The following HTT variants were observed in gnomAD, a reference collection of about 807,000 sequenced individuals.
HTT encodes huntingtin.
In HTT, 104 loss-of-function variants were observed where a neutral mutation model predicts 362.3. That is an observed-to-expected ratio of 0.29 (90% confidence interval 0.24 to 0.34). The LOEUF (loss-of-function observed/expected upper bound fraction) is 0.34. HTT is among the 10% of genes least tolerant of loss of function. The pLI is 1.00. For synonymous variants in HTT, 1,577 were observed against 1,548.7 expected (o/e 1.02, Z -0.43); for missense variants, 3,301 against 3,928.6 (o/e 0.84, Z 4.27).
chr4:3,131,557 T>C (rs1715817571), intron 15 of HTT, 81 bp from the exon 16 acceptor site: 2 of 1,565,086 alleles, frequency 1.3e-6, no homozygotes, highest in East Asian at 2.2e-5. Flanking sequence ...TGGGAGCAGG[T>C]AGGTTATTGG....
chr4:3,212,793 A>G, intron 49 of HTT, 84 bp downstream of exon 49: 1 of 1,432,422 alleles, frequency 7.0e-7, no homozygotes, highest in Non-Finnish European at 9.7e-7. Context: ...GTTTTATTTG[A>G]AAAGCAAGAT....
chr4:3,178,551 T>G, intron 35 of HTT, 105 bp downstream of exon 35: 1 of 955,106 alleles, frequency 1.0e-6, no homozygotes, highest in Non-Finnish European at 1.6e-6. Context: ...GCCATGTGCT[T>G]CTCAGGCTCT....
Position 3,092,580 on chromosome 4 carries a change from C to T in HTT, c.347+5558C>T, listed in dbSNP as rs1196974137. ...TAAATGTTTTATAGATGAGATCTTGCTGTATTGCCCAGGCTGGTCTAGAAT... is the reference window on the plus strand; with the variant it reads ...TAAATGTTTTATAGATGAGATCTTGTTGTATTGCCCAGGCTGGTCTAGAAT... On this transcript the variant is annotated intron_variant, in intron 2 of 66. Coordinates refer to ENST00000355072, the MANE Select transcript of HTT (RefSeq NM_001388492.1). Among the ~76,000 whole-genome samples, 4 of 152,240 alleles carry T rather than the reference C, an allele frequency of 2.6e-5. No homozygotes were observed. In the East Asian group the frequency reaches 7.7e-4, roughly 29 times the overall value.
Position 3,206,710 on chromosome 4 carries a change from A to T in HTT, c.5898+35A>T. On this transcript the variant is annotated intron_variant, in intron 43 of 66. Coordinates refer to ENST00000355072, the MANE Select transcript of HTT (RefSeq NM_001388492.1). This position sits in a 1 kb window ranked among gnomAD's most constrained non-coding sequence, Gnocchi z 4.6. ...CATCCTGCCGACTATTGCCAGTTGC[A>T]GTTTTCCCTGCCTTAAAAATGGAGT... The T allele has an allele frequency of 6.3e-7, 1 of 1,596,770 alleles. No individual in the cohort carries two copies. Among genetic ancestry groups the T allele is most frequent in the Non-Finnish European group, 8.6e-7 (1 of 1,167,460 alleles).
chr4:3,167,175 G>A (rs1240922991), intron 29 of HTT, among the ~76,000 whole-genome samples: 2 of 152,184 alleles, frequency 1.3e-5, no homozygotes, highest in Admixed American at 1.3e-4. Flanking sequence ...GGTTTCAAGC[G>A]ATTCTCCTAC....
intron 1 of HTT, among the ~76,000 whole-genome samples, chr4:3,084,838 C>T (rs1713116559): frequency 6.6e-6 from 1 of 151,606 alleles, no homozygotes; most frequent in Non-Finnish European, 1.5e-5. Context: ...ACGGTGAAAC[C>T]CCGTCTCTAC....
chr4:3,095,799 T>C (rs997636664), intron 2 of HTT, among the ~76,000 whole-genome samples: 1 of 151,876 alleles, frequency 6.6e-6, no homozygotes, highest in African/African-American at 2.4e-5. Context: ...AAAAGGAGAT[T>C]AGAATAATAA....
At chr4:3,223,136 A>G (rs1720754154) in intron 54 of HTT, among the ~76,000 whole-genome samples, 1 of 152,268 alleles carries the variant, frequency 6.6e-6, no homozygotes, top group African/African-American at 2.4e-5. Flanking sequence ...GAATTCAAAG[A>G]TAATTTATTA....
intron 52 of HTT, among the ~76,000 whole-genome samples, chr4:3,219,241 G>A (rs1720564880): frequency 1.3e-5 from 2 of 152,178 alleles, no homozygotes; most frequent in South Asian, 4.1e-4. Context: ...GGGTTCATTA[G>A]CATCTGGTTA....
At chr4:3,089,445 G>A (rs1335567849) in intron 2 of HTT, among the ~76,000 whole-genome samples, 1 of 152,148 alleles carries the variant, frequency 6.6e-6, no homozygotes, top group African/African-American at 2.4e-5. Flanking sequence ...AGTAGAGATG[G>A]GGTTTCACCG....
chr4:3,082,728 T>C (rs1225993223), intron 1 of HTT, among the ~76,000 whole-genome samples: 1 of 152,202 alleles, frequency 6.6e-6, no homozygotes, highest in African/African-American at 2.4e-5. Context: ...GAGGAAGACC[T>C]GTGTTGCTCA....
intron 3 of HTT, among the ~76,000 whole-genome samples, chr4:3,101,642 A>G (rs1714163045): frequency 6.6e-6 from 1 of 152,374 alleles, no homozygotes; most frequent in African/African-American, 2.4e-5. Flanking sequence ...TACTTAGCCC[A>G]AGAAAATGGG....
Position 3,212,078 on chromosome 4 carries a change from T to A in HTT, c.6564T>A (p.His2188Gln), listed in dbSNP as rs1720184048. 4 of 1,614,112 alleles carry A rather than the reference T, an allele frequency of 2.5e-6. No homozygotes were observed. Among genetic ancestry groups the A allele is most frequent in the Admixed American group, 3.3e-5 (2 of 60,014 alleles). ...GTVQQLPAVHHVFQPELPAEP... is the reference protein window; with the variant it reads ...GTVQQLPAVHQVFQPELPAEP... ...TGCAGCAGCTCCCTGCTGTCCATCA[T>A]GTCTTCCAGCCCGAGCTGCCTGCAG... Residue 2188 changes from histidine (H) to glutamine (Q), a missense_variant, in exon 48 of 67, where the codon CAT (histidine) becomes CAA (glutamine). By Grantham distance (24) the His-to-Gln change is conservative. This residue lies in a region of HTT where 220 missense variants were observed against 218.5 expected (regional missense o/e 1.01). Transcript: ENST00000355072.
chr4:3,156,377 G>C (rs766195968), intron 27 of HTT, among the ~76,000 whole-genome samples: 7 of 152,100 alleles, frequency 4.6e-5, no homozygotes, highest in Middle Eastern at 3.2e-3. Flanking sequence ...GCCTTGGCCT[G>C]CCAAAGTGCT....
In HTT at chr4:3,190,681, G is replaced by A. The variant is rs193087284; in HGVS notation, c.5368+1588G>A. 1.4e-4 allele frequency among the ~76,000 whole-genome samples: 22 copies of A among 152,310 alleles called. No homozygotes were observed. The South Asian group carries it at 3.1e-3, about 22-fold the overall frequency. ...ACTGCACTCCAGCCTGGGCGAGATC[G>A]AGACCATGTCTCTAGAGAAAGAAAA... On this transcript the variant is annotated intron_variant, in intron 40 of 66. Transcript: ENST00000355072.
chr4:3,091,053 G>T (rs919180228), intron 2 of HTT, among the ~76,000 whole-genome samples: 1 of 152,136 alleles, frequency 6.6e-6, no homozygotes, highest in Non-Finnish European at 1.5e-5. Flanking sequence ...TACAGGTTGC[G>T]GTGAGCCTAG....
chr4:3,196,932 C>T lies in HTT; in HGVS notation c.5369-2800C>T, dbSNP rs363118. ...TCCCTCCCTCTGTGTACACTCCATT[C>T]TCATTGCCCATGGTGGTTTGTTTCC... On this transcript the variant is annotated intron_variant, in intron 40 of 66. Transcript: ENST00000355072. Among the ~76,000 whole-genome samples the T allele has an allele frequency of 5.5e-4, 84 of 152,302 alleles. No homozygotes were observed. In the South Asian group the frequency reaches 0.017, roughly 30 times the overall value.
chr4:3,174,115 C>T (rs929592082), intron 31 of HTT, among the ~76,000 whole-genome samples: 7 of 151,962 alleles, frequency 4.6e-5, no homozygotes, highest in African/African-American at 7.3e-5. Context: ...ATAAATTTAG[C>T]GATTAAATAG....
At chr4:3,094,172 G>A (rs976703792) in intron 2 of HTT, among the ~76,000 whole-genome samples, 4 of 151,556 alleles carry the variant, frequency 2.6e-5, no homozygotes, top group African/African-American at 9.7e-5. Flanking sequence ...ATCTTGCACC[G>A]CCCTTAATCC....
Sources: allele counts gnomAD v4.1 joint callset (sites outside exome capture counted in the v4.1 genomes callset), GRCh38; gene constraint gnomAD v4.1.1; regional missense constraint gnomAD v4.1.1; non-coding constraint Gnocchi (gnomAD v3.1); transcripts MANE v1.5; gene names NCBI Gene and HGNC (gene_info 2026-07-23, HGNC 2026-07-21).